PARD3B: variants seen among roughly 807,000 people sequenced by gnomAD.
The protein encoded by PARD3B is par-3 family cell polarity regulator beta.
A neutral mutation model predicts 130.2 loss-of-function variants in PARD3B; 103 were observed. The observed-to-expected ratio is 0.79, with a 90% CI of 0.67 to 0.93. The LOEUF (loss-of-function observed/expected upper bound fraction) is 0.93, where lower values mean the gene tolerates loss of function less well. PARD3B is among the 40% of genes least tolerant of loss of function. The pLI, the probability that PARD3B is intolerant of heterozygous loss-of-function variation, is 0.00. For synonymous variants in PARD3B, 583 were observed against 553.2 expected (o/e 1.05, Z -0.76); for missense variants, 1,609 against 1,499.2 (o/e 1.07, Z -1.21).
chr2:204,685,879 C>T (rs1230047884), intron 1 of PARD3B, among the ~76,000 whole-genome samples: 1 of 152,076 alleles, frequency 6.6e-6, no homozygotes, highest in Admixed American at 6.5e-5. Context: ...CTTGGAATTA[C>T]CTGAGTTGTA....
chr2:205,201,805 C>G (rs1327757284), intron 15 of PARD3B, among the ~76,000 whole-genome samples: 3 of 152,082 alleles, frequency 2.0e-5, no homozygotes, highest in Non-Finnish European at 2.9e-5. Context: ...CCATTGCACT[C>G]CAGCCTGGGC....
At chr2:205,217,883 TATATATA>T (rs2038022167) in intron 15 of PARD3B, among the ~76,000 whole-genome samples, 2 of 98,730 alleles carry the variant, frequency 2.0e-5, no homozygotes, top group African/African-American at 8.8e-5. Flanking sequence ...TATATATATA[TATATATA>T]TATATTTTTT....
chr2:205,519,960 A>C (rs2050964593), intron 21 of PARD3B, among the ~76,000 whole-genome samples: 1 of 152,030 alleles, frequency 6.6e-6, no homozygotes, highest in African/African-American at 2.4e-5. Context: ...GTGTTTCCTC[A>C]TCATTGCAGC....
In PARD3B at chr2:205,619,184, G is replaced by A. The variant is rs1394710433; in HGVS notation, c.*3371G>A. 6.6e-6 allele frequency: 1 copy of A among 152,150 alleles called. No individual in the cohort carries two copies. Among genetic ancestry groups the A allele is most frequent in the African/African-American group, 2.4e-5 (1 of 41,432 alleles). The allele number at this position is 152,150 out of a possible 1,614,324, so 9.4% of individuals were successfully genotyped here. On this transcript the variant is annotated 3_prime_UTR_variant, in exon 23 of 23. Coordinates refer to ENST00000406610, the MANE Select transcript of PARD3B (RefSeq NM_001302769.2). ...TCTTGAGCTAAAGTGATCTTCTGAA[G>A]AAAAGCCACCTAACAATGTTAGGAG...
At chr2:204,605,797 C>G (rs561527988) in intron 1 of PARD3B, among the ~76,000 whole-genome samples, 2 of 152,252 alleles carry the variant, frequency 1.3e-5, no homozygotes, top group East Asian at 3.9e-4. Flanking sequence ...TTAGAATGTG[C>G]TGGGACAGTA....
At chr2:204,820,071 C>CTTTTTTTTTTTTTTTTTTTT (rs557143420) in intron 2 of PARD3B, among the ~76,000 whole-genome samples, 2 of 98,422 alleles carry the variant, frequency 2.0e-5, no homozygotes, top group African/African-American at 8.9e-5. Context: ...AAACAATAGA[C>CTTTTTTTTTTTTTTTTTTTT]TTTTTTTTTT....
intron 2 of PARD3B, among the ~76,000 whole-genome samples, chr2:204,703,623 C>A (rs1559072708): frequency 6.6e-6 from 1 of 152,020 alleles, no homozygotes; most frequent in South Asian, 2.1e-4. Flanking sequence ...AATTATGAAA[C>A]CCATATAGGT....
At chr2:204,966,119 C>A (rs747951338) in intron 3 of PARD3B, among the ~76,000 whole-genome samples, 1 of 152,126 alleles carries the variant, frequency 6.6e-6, no homozygotes, top group African/African-American at 2.4e-5. Flanking sequence ...CAAAGGTCAG[C>A]TTCTTATTCT....
intron 21 of PARD3B, among the ~76,000 whole-genome samples, chr2:205,547,496 T>C (rs2052429482): frequency 6.6e-6 from 1 of 152,142 alleles, no homozygotes; most frequent in Non-Finnish European, 1.5e-5. Context: ...AAAAACTTCT[T>C]GGATAAGCTT....
At chr2:205,610,329 C>G (rs2055186058) in intron 22 of PARD3B, among the ~76,000 whole-genome samples, 1 of 152,158 alleles carries the variant, frequency 6.6e-6, no homozygotes, top group South Asian at 2.1e-4. Context: ...GACATTGTCT[C>G]CCTAAGACCC....
chr2:205,380,652 ATATATAT>A (rs1278629415), intron 18 of PARD3B, among the ~76,000 whole-genome samples: 4 of 93,276 alleles, frequency 4.3e-5, no homozygotes, highest in African/African-American at 4.5e-5. Flanking sequence ...TATATAAAGA[ATATATAT>A]TATATATAAT....
chr2:205,615,109 A>G (rs2055375693), intron 22 of PARD3B, among the ~76,000 whole-genome samples: 1 of 152,180 alleles, frequency 6.6e-6, no homozygotes, highest in African/African-American at 2.4e-5. Flanking sequence ...ACCAGATTGA[A>G]GTGTATTTTC....
At chr2:204,667,093 T>C (rs959933787) in intron 1 of PARD3B, among the ~76,000 whole-genome samples, 1 of 152,168 alleles carries the variant, frequency 6.6e-6, no homozygotes, top group African/African-American at 2.4e-5. Flanking sequence ...GAGTAGGCCA[T>C]GGTAAGGCAA....
rs142614418 is a variant in PARD3B, at chr2:205,414,362, T to C, written c.2741+13239T>C. Among the ~76,000 whole-genome samples the C allele has an allele frequency of 4.0e-3, 607 of 152,290 alleles. 8 individuals are homozygous for C. Among genetic ancestry groups the C allele is most frequent in the African/African-American group, 0.013 (559 of 41,562 alleles). ...CTTACATCTCAGTAAAGAGAAGATA[T>C]TCAGTAAAGTCCTGGTTGACTTAAA... On this transcript the variant is annotated intron_variant, in intron 19 of 22. Coordinates refer to ENST00000406610, the MANE Select transcript of PARD3B (RefSeq NM_001302769.2).
chr2:204,546,605 G>A (rs1282089006), intron 1 of PARD3B, among the ~76,000 whole-genome samples: 1 of 152,198 alleles, frequency 6.6e-6, no homozygotes, highest in Non-Finnish European at 1.5e-5. Flanking sequence ...TACAACTGAT[G>A]GGGCCTTTGG....
chr2:205,107,082 A>G (rs1390456507), intron 5 of PARD3B, among the ~76,000 whole-genome samples: 1 of 152,178 alleles, frequency 6.6e-6, no homozygotes, highest in African/African-American at 2.4e-5. Context: ...AGCTAAGTAA[A>G]TTATTTGTAG....
chr2:204,875,323 C>T (rs902600409), intron 2 of PARD3B, among the ~76,000 whole-genome samples: 1 of 152,166 alleles, frequency 6.6e-6, no homozygotes, highest in East Asian at 1.9e-4. Context: ...TAGTAAACAG[C>T]TCTCTCGGCT....
rs1024909912 is a variant in PARD3B, at chr2:205,116,902, C to T, written c.681-2019C>T. ...AGATCAGTGAGGTTCACATAGCATA[C>T]TCCAGCTGTAATATGCCAGCTAAAT... On this transcript the variant is annotated intron_variant, in intron 6 of 22. Coordinates refer to ENST00000406610, the MANE Select transcript of PARD3B (RefSeq NM_001302769.2). The surrounding 1 kb of genome is among the most constrained non-coding windows in gnomAD (Gnocchi z 4.5). 6.6e-6 allele frequency among the ~76,000 whole-genome samples: 1 copy of T among 152,166 alleles called. No individual in the cohort carries two copies.
intron 2 of PARD3B, among the ~76,000 whole-genome samples, chr2:204,881,922 A>G (rs2046068080): frequency 6.6e-6 from 1 of 152,184 alleles, no homozygotes; most frequent in Admixed American, 6.5e-5. Context: ...GCTAGTTCCA[A>G]GAATCAGCAT....
Sources: allele counts gnomAD v4.1 joint callset (sites outside exome capture counted in the v4.1 genomes callset), GRCh38; gene constraint gnomAD v4.1.1; non-coding constraint Gnocchi (gnomAD v3.1); transcripts MANE v1.5; gene names NCBI Gene and HGNC (gene_info 2026-07-23, HGNC 2026-07-21).